Variants in SLC35F1 observed in about 807,000 individuals in gnomAD.
The protein encoded by SLC35F1 is chromosome 6 open reading frame 169.
Under a neutral mutation model 48.7 loss-of-function variants are expected in SLC35F1, and 14 were observed. The ratio of observed to expected loss-of-function variants is 0.29; its 90% confidence interval spans 0.19 to 0.45. The LOEUF (loss-of-function observed/expected upper bound fraction) is 0.45. Ranked by LOEUF, SLC35F1 falls within the 20% of genes least tolerant of loss-of-function variation. The pLI is 1.00. For missense variants in SLC35F1, 404 were observed against 500.0 expected (o/e 0.81, Z 1.83); for synonymous variants, 190 against 202.2 (o/e 0.94, Z 0.51).
intron 1 of SLC35F1, among the ~76,000 whole-genome samples, chr6:117,923,985 A>T (rs1430858532): frequency 6.6e-6 from 1 of 151,122 alleles, no homozygotes; most frequent in African/African-American, 2.4e-5. Context: ...ATGGAAATTG[A>T]CATACATATA....
chr6:118,102,984 C>T (rs1012481196), intron 1 of SLC35F1, among the ~76,000 whole-genome samples: 3 of 152,152 alleles, frequency 2.0e-5, no homozygotes, highest in Non-Finnish European at 4.4e-5. Flanking sequence ...TCTGAGCCTC[C>T]CTTTACCCAT....
intron 1 of SLC35F1, among the ~76,000 whole-genome samples, chr6:118,103,692 T>G (rs898474591): frequency 6.6e-6 from 1 of 152,204 alleles, no homozygotes; most frequent in African/African-American, 2.4e-5. Context: ...TCTCCACCCT[T>G]TTCTTCCCCC....
intron 3 of SLC35F1, among the ~76,000 whole-genome samples, chr6:118,235,975 T>G (rs1775359837): frequency 6.6e-6 from 1 of 152,206 alleles, no homozygotes; most frequent in African/African-American, 2.4e-5. Flanking sequence ...TCAACTAATC[T>G]TATGTTAGCA....
At chr6:118,033,531 G>A (rs989113478) in intron 1 of SLC35F1, among the ~76,000 whole-genome samples, 21 of 151,730 alleles carry the variant, frequency 1.4e-4, no homozygotes, top group Admixed American at 1.3e-3. Context: ...AAATTTGAGA[G>A]GATTGACAAT....
intron 7 of SLC35F1, among the ~76,000 whole-genome samples, chr6:118,288,179 G>A (rs954650247): frequency 7.2e-5 from 11 of 152,016 alleles, no homozygotes; most frequent in South Asian, 2.1e-4. Flanking sequence ...GTAGATTCAC[G>A]TGCACTTTTA....
chr6:118,082,630 T>A (rs760938812), intron 1 of SLC35F1, among the ~76,000 whole-genome samples: 6 of 152,096 alleles, frequency 3.9e-5, no homozygotes, highest in Non-Finnish European at 5.9e-5. Flanking sequence ...TTGAGCCTTC[T>A]GGGATAGCTG....
intron 1 of SLC35F1, among the ~76,000 whole-genome samples, chr6:117,952,138 C>T (rs1013737191): frequency 2.0e-5 from 3 of 151,984 alleles, no homozygotes; most frequent in East Asian, 1.9e-4. Flanking sequence ...ATCTGCATTC[C>T]GATGGATTGA....
At chr6:118,247,047 C>G (rs1775516521) in intron 3 of SLC35F1, among the ~76,000 whole-genome samples, 1 of 152,204 alleles carries the variant, frequency 6.6e-6, no homozygotes, top group Non-Finnish European at 1.5e-5. Flanking sequence ...GGTCCTGTTA[C>G]TCACATATTT....
At chr6:118,043,985 G>C (rs1772264797) in intron 1 of SLC35F1, among the ~76,000 whole-genome samples, 1 of 152,206 alleles carries the variant, frequency 6.6e-6, no homozygotes, top group Admixed American at 6.5e-5. Flanking sequence ...TACTGACAGA[G>C]GAAGGCAAAA....
Position 117,998,119 on chromosome 6 carries a change from G to A in SLC35F1, c.173+90220G>A, listed in dbSNP as rs11963865. Among the ~76,000 whole-genome samples, 1,226 of 148,626 alleles carry A rather than the reference G, an allele frequency of 8.2e-3. 21 individuals carry two copies. Among genetic ancestry groups the A allele is most frequent in the African/African-American group, 0.029 (1,163 of 40,416 alleles). On this transcript the variant is annotated intron_variant, in intron 1 of 7. Transcript: ENST00000360388. The stretch of plus-strand genomic sequence containing the variant: ...TGGAAAACAAAAAAAGGCAGGGGTT[G>A]CAATCCTATTCTCTGATAAAACAGA...
chr6:117,918,037 G>A (rs1385316248), intron 1 of SLC35F1, among the ~76,000 whole-genome samples: 1 of 152,188 alleles, frequency 6.6e-6, no homozygotes, highest in East Asian at 1.9e-4. Flanking sequence ...GGAAAGGACA[G>A]ATAAATGACC....
At chr6:118,109,814 G>A (rs1276351194) in intron 1 of SLC35F1, among the ~76,000 whole-genome samples, 1 of 152,152 alleles carries the variant, frequency 6.6e-6, no homozygotes, top group Non-Finnish European at 1.5e-5. Flanking sequence ...CCTGCTTAGT[G>A]ACCCAGTGCA....
At position 118,267,052 on chromosome 6, in the gene SLC35F1, A is replaced by G; in HGVS notation, c.535A>G (p.Ile179Val). Reference sequence around the variant, plus strand: ...TTTGCTCTCCTGGTTCTTCCTGCTGATCCGGTACAAGGCTGTGCATTTCAT... The same window carrying G: ...TTTGCTCTCCTGGTTCTTCCTGCTGGTCCGGTACAAGGCTGTGCATTTCAT... ...VILLSWFFLLIRYKAVHFIGI... is the reference protein window; with the variant it reads ...VILLSWFFLLVRYKAVHFIGI... The change falls in exon 4 of 8, where the codon ATC becomes GTC. Residue 179 changes from isoleucine to valine, a missense_variant. Around this residue, in one of 2 missense-constraint regions of SLC35F1, gnomAD observed 306 missense variants for 419.1 expected, o/e 0.73. Transcript: ENST00000360388. 6.2e-7 allele frequency: 1 copy of G among 1,613,824 alleles called. No homozygotes were observed. The highest frequency in any genetic ancestry group is 1.3e-5 in the African/African-American group (1 of 74,932).
chr6:118,237,324 AACACACACAC>A (rs67116512), intron 3 of SLC35F1, among the ~76,000 whole-genome samples: 14 of 149,712 alleles, frequency 9.4e-5, no homozygotes, highest in Admixed American at 5.3e-4. Context: ...ATTCTAAGAA[AACACACACAC>A]ACACACACAC....
chr6:117,926,331 T>C (rs141661092), intron 1 of SLC35F1, among the ~76,000 whole-genome samples: 1 of 152,282 alleles, frequency 6.6e-6, no homozygotes, highest in East Asian at 1.9e-4. Flanking sequence ...TAATTATAAG[T>C]TTCCTGAGAC....
At chr6:118,238,621 G>A (rs1403344664) in intron 3 of SLC35F1, among the ~76,000 whole-genome samples, 1 of 151,890 alleles carries the variant, frequency 6.6e-6, no homozygotes, top group Non-Finnish European at 1.5e-5. Context: ...GTTAAAGCAG[G>A]CTCCTCTCAT....
chr6:118,033,545 A>T (rs1327635250), intron 1 of SLC35F1, among the ~76,000 whole-genome samples: 5 of 152,166 alleles, frequency 3.3e-5, no homozygotes, highest in African/African-American at 1.2e-4. Flanking sequence ...TGACAATTTT[A>T]AAACATCCCA....
intron 2 of SLC35F1, among the ~76,000 whole-genome samples, chr6:118,173,359 A>G (rs1377543123): frequency 6.6e-6 from 1 of 151,982 alleles, no homozygotes; most frequent in East Asian, 1.9e-4. Flanking sequence ...TACGAAAAAA[A>G]AGAATCCATC....
chr6:118,285,224 C>G lies in SLC35F1; in HGVS notation c.888C>G (p.Leu296=), dbSNP rs1480439334. 1.2e-6 allele frequency: 2 copies of G among 1,613,840 alleles called. No individual in the cohort carries two copies. The highest frequency in any genetic ancestry group is 1.3e-5 in the African/African-American group (1 of 74,880). The change falls in exon 7 of 8, where the codon CTC becomes CTG. Residue 296 remains leucine, a synonymous_variant. Transcript: ENST00000360388. ...YVGFSACMFG[L]YSFMPVVIKK... is the part of the protein sequence containing the mutation. ...GCTTTAGTGCCTGCATGTTTGGTCT[C>G]TACAGCTTTATGCCAGTCGTCATAA...
Sources: gnomAD v4.1 joint callset for allele counts (sites outside exome capture counted in the v4.1 genomes callset) on GRCh38, gnomAD v4.1.1 for gene constraint, gnomAD v4.1.1 regional missense constraint, MANE v1.5 for transcripts, NCBI Gene and HGNC (gene_info 2026-07-23, HGNC 2026-07-21) for gene names.